The following SSBP2 variants were observed in gnomAD, a reference collection of about 807,000 sequenced individuals.
SSBP2 encodes the protein single-stranded DNA-binding protein 2.
In SSBP2, 17 loss-of-function variants were observed where a neutral mutation model predicts 61.8. The observed-to-expected ratio is 0.28, with a 90% CI of 0.19 to 0.41. SSBP2 has a LOEUF of 0.41. Among genes scored for constraint, SSBP2 ranks in the 10% least tolerant of loss-of-function variants. The probability of loss-of-function intolerance (pLI) is 1.00; values close to 1 mark genes in which losing one functional copy is unlikely to be tolerated. For missense variants in SSBP2, 310 were observed against 458.7 expected, an observed-to-expected ratio of 0.68 and a Z score of 2.96; for synonymous variants, 139 against 141.3, an observed-to-expected ratio of 0.98 and a Z score of 0.12.
chr5:81,736,170 ACACACACACACACACACACT>A (rs1476003846), intron 1 of SSBP2, among the ~76,000 whole-genome samples: 39 of 134,242 alleles, frequency 2.9e-4, no homozygotes, highest in East Asian at 4.5e-4. Context: ...ACACACACAC[ACACACACACACACACACACT>A]CTACGGCACT....
intron 16 of SSBP2, among the ~76,000 whole-genome samples, chr5:81,423,312 T>C (rs920758353): frequency 3.3e-5 from 5 of 152,258 alleles, no homozygotes; most frequent in African/African-American, 9.6e-5. Flanking sequence ...TAGTCGTATG[T>C]AATTTTAATT....
chr5:81,739,625 G>A (rs1336898298), intron 1 of SSBP2, among the ~76,000 whole-genome samples: 1 of 152,180 alleles, frequency 6.6e-6, no homozygotes, highest in African/African-American at 2.4e-5. Context: ...AACAGAGGCT[G>A]ACATATAACA....
chr5:81,643,569 G>A (rs1473897901), intron 2 of SSBP2, among the ~76,000 whole-genome samples: 1 of 142,648 alleles, frequency 7.0e-6, no homozygotes. Flanking sequence ...AAAAAAAGTT[G>A]AAATTGAAGT....
intron 3 of SSBP2, among the ~76,000 whole-genome samples, chr5:81,632,555 C>T (rs1193184353): frequency 6.6e-6 from 1 of 152,152 alleles, no homozygotes; most frequent in Non-Finnish European, 1.5e-5. Flanking sequence ...AACCTACAAA[C>T]ATTCCTGCAT....
chr5:81,531,019 G>A (rs966136799), intron 4 of SSBP2, among the ~76,000 whole-genome samples: 4 of 151,870 alleles, frequency 2.6e-5, no homozygotes, highest in Admixed American at 1.3e-4. Context: ...GTTCAGTCTT[G>A]GAAACATAGT....
At chr5:81,584,299 A>G (rs1052418887) in intron 4 of SSBP2, among the ~76,000 whole-genome samples, 1 of 152,170 alleles carries the variant, frequency 6.6e-6, no homozygotes, top group African/African-American at 2.4e-5. Flanking sequence ...TATTTGAAAG[A>G]ATTACAGAAT....
intron 4 of SSBP2, among the ~76,000 whole-genome samples, chr5:81,551,449 T>G (rs1183659773): frequency 6.6e-6 from 1 of 152,168 alleles, no homozygotes; most frequent in Non-Finnish European, 1.5e-5. Flanking sequence ...TTAAAAAGTT[T>G]TAGAAATGCA....
intron 3 of SSBP2, 21 bp from the exon 4 acceptor site, chr5:81,615,578 A>G (rs372250829): frequency 3.9e-5 from 60 of 1,522,820 alleles, no homozygotes; most frequent in Admixed American, 1.9e-4. Context: ...AATCATGGTA[A>G]CATTAAGAAA....
intron 5 of SSBP2, among the ~76,000 whole-genome samples, chr5:81,508,117 G>T (rs1352311571): frequency 3.9e-5 from 6 of 152,112 alleles, no homozygotes; most frequent in Non-Finnish European, 8.8e-5. Flanking sequence ...ATAAGACAGA[G>T]ATATAAAAGA....
At chr5:81,716,064 A>G (rs1305215471) in intron 1 of SSBP2, among the ~76,000 whole-genome samples, 1 of 151,816 alleles carries the variant, frequency 6.6e-6, no homozygotes, top group Non-Finnish European at 1.5e-5. Context: ...CTCAAAAACA[A>G]AACAACAACA....
chr5:81,636,863 A>AG (rs1383890375), intron 2 of SSBP2, among the ~76,000 whole-genome samples: 3 of 152,218 alleles, frequency 2.0e-5, no homozygotes, highest in African/African-American at 7.2e-5. Flanking sequence ...ATAAAGCTCT[A>AG]GTCTTTCAGT....
chr5:81,570,681 C>T (rs993213421), intron 4 of SSBP2, among the ~76,000 whole-genome samples: 1 of 140,142 alleles, frequency 7.1e-6, no homozygotes, highest in African/African-American at 2.9e-5. Context: ...CCACAGAAAG[C>T]GTAAAATAAT....
rs568963548 is a variant in SSBP2, at chr5:81,670,659, T to C, written c.63-20320A>G. On this transcript the variant is annotated intron_variant, in intron 1 of 16. Coordinates refer to ENST00000320672, the MANE Select transcript of SSBP2 (RefSeq NM_012446.5). The stretch of plus-strand genomic sequence containing the variant: ...GGAAAAGCATTGAAAATAACTTATT[T>C]ATAATTTCCTCCTCGCTTTACCACT... Among the ~76,000 whole-genome samples, 38 of 152,358 alleles carry C rather than the reference T, an allele frequency of 2.5e-4. No homozygotes were observed. In the South Asian group the frequency reaches 7.7e-3, roughly 31 times the overall value.
intron 4 of SSBP2, among the ~76,000 whole-genome samples, chr5:81,555,649 T>C (rs923968069): frequency 1.1e-4 from 16 of 152,156 alleles, no homozygotes; most frequent in Non-Finnish European, 1.5e-4. Flanking sequence ...TATATGTTCA[T>C]TGTACAAAAA....
chr5:81,683,590 C>T (rs895921495), intron 1 of SSBP2, among the ~76,000 whole-genome samples: 3 of 152,056 alleles, frequency 2.0e-5, no homozygotes, highest in Non-Finnish European at 4.4e-5. Context: ...TTTTTAGATT[C>T]AACACAAAAC....
intron 15 of SSBP2, among the ~76,000 whole-genome samples, chr5:81,429,509 T>TATAAA (rs1762157847): frequency 6.6e-6 from 1 of 152,210 alleles, no homozygotes; most frequent in African/African-American, 2.4e-5. Flanking sequence ...GACATTGGAC[T>TATAAA]ATAAACCATG....
At chr5:81,475,950 C>A (rs954821751) in intron 6 of SSBP2, among the ~76,000 whole-genome samples, 1 of 152,020 alleles carries the variant, frequency 6.6e-6, no homozygotes, top group African/African-American at 2.4e-5. Context: ...TGTGTGCATG[C>A]ATGTATAATT....
chr5:81,518,486 G>A (rs1328045938), intron 4 of SSBP2, among the ~76,000 whole-genome samples: 1 of 152,082 alleles, frequency 6.6e-6, no homozygotes, highest in African/African-American at 2.4e-5. Context: ...GCCATGTGAG[G>A]ATGCTGCAAG....
intron 1 of SSBP2, among the ~76,000 whole-genome samples, chr5:81,692,629 A>C (rs1222997594): frequency 6.6e-6 from 1 of 152,234 alleles, no homozygotes; most frequent in Non-Finnish European, 1.5e-5. Flanking sequence ...ATAGTAACCC[A>C]AACAGCATGG....
Sources: allele counts gnomAD v4.1 joint callset (sites outside exome capture counted in the v4.1 genomes callset), GRCh38; gene constraint gnomAD v4.1.1; transcripts MANE v1.5; gene names NCBI Gene and HGNC (gene_info 2026-07-23, HGNC 2026-07-21).